The following CREB3L2 variants were observed in gnomAD, a reference collection of about 807,000 sequenced individuals.
The protein encoded by CREB3L2 is cyclic AMP-responsive element-binding protein 3-like protein 2.
CREB3L2 carries 23 observed loss-of-function variants against 57.2 expected under a neutral mutation model. The observed-to-expected ratio is 0.40, with a 90% confidence interval of 0.29 to 0.57. CREB3L2 has a LOEUF of 0.57. Among genes scored for constraint, CREB3L2 ranks in the 20% least tolerant of loss-of-function variants. CREB3L2 has a pLI of 0.42. For synonymous variants in CREB3L2, 268 were observed against 265.1 expected (o/e 1.01, Z -0.11); for missense variants, 628 against 634.7 (o/e 0.99, Z 0.11).
At chr7:137,994,508 T>C (rs1801951505) in intron 1 of CREB3L2, among the ~76,000 whole-genome samples, 1 of 152,184 alleles carries the variant, frequency 6.6e-6, no homozygotes, top group Non-Finnish European at 1.5e-5. Flanking sequence ...ATTCTACATC[T>C]CCTAGTTAGT....
intron 8 of CREB3L2, among the ~76,000 whole-genome samples, chr7:137,887,874 T>G (rs1799457081): frequency 6.6e-6 from 1 of 152,220 alleles, no homozygotes; most frequent in African/African-American, 2.4e-5. Flanking sequence ...CGTACATTTT[T>G]GTTTCTGTTT....
chr7:137,881,725 C>T (rs945549644), intron 11 of CREB3L2, among the ~76,000 whole-genome samples: 3 of 152,184 alleles, frequency 2.0e-5, no homozygotes, highest in Non-Finnish European at 2.9e-5. Flanking sequence ...TAACCAGGAG[C>T]ATGCATGCAG....
In CREB3L2 at chr7:137,986,029, G is replaced by A. The variant is rs117527805; in HGVS notation, c.102+15575C>T. On this transcript the variant is annotated intron_variant, in intron 1 of 11. Coordinates refer to ENST00000330387, the MANE Select transcript of CREB3L2 (RefSeq NM_194071.4). ...GAAAAAAAAATAGAAGAAAGGAACC[G>A]AATATCCCCCATCTAGCGGCCACAA... Among the ~76,000 whole-genome samples the A allele has an allele frequency of 7.0e-4, 106 of 152,186 alleles. 2 individuals are homozygous for A. The East Asian group carries it at 0.016, about 23-fold the overall frequency.
At chr7:137,947,000 TTATATATATATAGTTATA>T (rs1303666842) in intron 1 of CREB3L2, among the ~76,000 whole-genome samples, 30 of 123,106 alleles carry the variant, frequency 2.4e-4, no homozygotes, top group African/African-American at 1.0e-3. Flanking sequence ...ATATATATAG[TTATATATATATAGTTATA>T]TATATATATA....
intron 1 of CREB3L2, among the ~76,000 whole-genome samples, chr7:137,998,114 C>G (rs988380087): frequency 1.3e-5 from 2 of 152,172 alleles, no homozygotes; most frequent in African/African-American, 4.8e-5. Flanking sequence ...TTGCCCTATC[C>G]ATATGCTTCA....
chr7:137,930,557 A>C (rs1364452719), intron 1 of CREB3L2, among the ~76,000 whole-genome samples: 1 of 152,206 alleles, frequency 6.6e-6, no homozygotes, highest in Admixed American at 6.5e-5. Flanking sequence ...TCCTTTAATA[A>C]AGAAGAAAAG....
intron 1 of CREB3L2, among the ~76,000 whole-genome samples, chr7:137,984,143 C>A (rs1017503373): frequency 6.6e-6 from 1 of 152,196 alleles, no homozygotes; most frequent in African/African-American, 2.4e-5. Flanking sequence ...CCCGACCAGA[C>A]CTTGGATTCT....
At chr7:137,943,126 T>C (rs1042240450) in intron 1 of CREB3L2, among the ~76,000 whole-genome samples, 1 of 152,164 alleles carries the variant, frequency 6.6e-6, no homozygotes, top group Non-Finnish European at 1.5e-5. Flanking sequence ...ACTGAACCCC[T>C]CTGGGTCTCT....
intron 1 of CREB3L2, among the ~76,000 whole-genome samples, chr7:137,991,427 G>C (rs919351205): frequency 6.6e-6 from 1 of 151,936 alleles, no homozygotes; most frequent in Non-Finnish European, 1.5e-5. Flanking sequence ...GCCTCCCAAA[G>C]TGCTGGGATT....
chr7:137,959,796 C>G (rs997609580), intron 1 of CREB3L2, among the ~76,000 whole-genome samples: 1 of 152,176 alleles, frequency 6.6e-6, no homozygotes. Flanking sequence ...CCTTTGCCAT[C>G]CGGCGAGGAA....
At chr7:137,948,415 T>C (rs879197095) in intron 1 of CREB3L2, among the ~76,000 whole-genome samples, 1 of 152,176 alleles carries the variant, frequency 6.6e-6, no homozygotes, top group Non-Finnish European at 1.5e-5. Flanking sequence ...GAACCAAAAC[T>C]TACCCATAGC....
intron 2 of CREB3L2, among the ~76,000 whole-genome samples, chr7:137,921,604 C>T (rs1332215460): frequency 6.6e-6 from 1 of 151,984 alleles, no homozygotes; most frequent in Non-Finnish European, 1.5e-5. Flanking sequence ...TGAATGGATA[C>T]TGATTGCTAA....
At chr7:137,930,375 A>T (rs1279354708) in intron 1 of CREB3L2, among the ~76,000 whole-genome samples, 1 of 152,210 alleles carries the variant, frequency 6.6e-6, no homozygotes, top group Non-Finnish European at 1.5e-5. Flanking sequence ...GATGGCAAAT[A>T]ATGAGGCTTG....
At chr7:137,964,627 T>C (rs1801380396) in intron 1 of CREB3L2, among the ~76,000 whole-genome samples, 1 of 152,238 alleles carries the variant, frequency 6.6e-6, no homozygotes, top group Non-Finnish European at 1.5e-5. Context: ...TGCAAGGTAA[T>C]CAATATTGAA....
At chr7:137,942,853 C>T (rs1266421293) in intron 1 of CREB3L2, among the ~76,000 whole-genome samples, 1 of 152,136 alleles carries the variant, frequency 6.6e-6, no homozygotes, top group Admixed American at 6.5e-5. Context: ...GACACATTTG[C>T]CTTCTAGTCA....
At chr7:137,926,978 C>T (rs1800479681) in intron 2 of CREB3L2, among the ~76,000 whole-genome samples, 1 of 151,870 alleles carries the variant, frequency 6.6e-6, no homozygotes, top group Non-Finnish European at 1.5e-5. Context: ...GTGAGACCCC[C>T]ATTTCTACAA....
intron 2 of CREB3L2, among the ~76,000 whole-genome samples, chr7:137,925,311 GA>G (rs1346469224): frequency 6.6e-6 from 1 of 152,188 alleles, no homozygotes; most frequent in Non-Finnish European, 1.5e-5. Flanking sequence ...AGCAATTGCA[GA>G]AGAACTGTAT....
intron 1 of CREB3L2, among the ~76,000 whole-genome samples, chr7:138,000,252 C>G (rs1375712619): frequency 6.6e-6 from 1 of 152,200 alleles, no homozygotes; most frequent in African/African-American, 2.4e-5. Context: ...TCCTGGAGCA[C>G]CCATTCATCA....
chr7:137,957,815 T>C (rs2117281617), intron 1 of CREB3L2: 6 of 1,278,000 alleles, frequency 4.7e-6, no homozygotes, highest in Non-Finnish European at 6.1e-6. Context: ...TTTCCTCTGC[T>C]AAGGTATTAA....
Sources: allele counts gnomAD v4.1 joint callset (sites outside exome capture counted in the v4.1 genomes callset), GRCh38; gene constraint gnomAD v4.1.1; transcripts MANE v1.5; gene names NCBI Gene and HGNC (gene_info 2026-07-23, HGNC 2026-07-21).